FHIT: variants seen among roughly 807,000 people sequenced by gnomAD.
FHIT encodes bis(5'-adenosyl)-triphosphatase.
A neutral mutation model predicts 17.9 loss-of-function variants in FHIT; 19 were observed. That is an observed-to-expected ratio of 1.06 (90% CI 0.74 to 1.56). The LOEUF (loss-of-function observed/expected upper bound fraction) is 1.56, where lower values mean the gene tolerates loss of function less well. Among genes scored for constraint, FHIT ranks in the 40% most tolerant of loss-of-function variants. FHIT has a pLI of 0.00. For synonymous variants in FHIT, 81 were observed against 69.7 expected, an observed-to-expected ratio of 1.16 and a Z score of -0.81; for missense variants, 248 against 189.2, an observed-to-expected ratio of 1.31 and a Z score of -1.82.
intron 4 of FHIT, among the ~76,000 whole-genome samples, chr3:60,588,379 G>T (rs1021612461): frequency 2.0e-5 from 3 of 151,884 alleles, no homozygotes; most frequent in Non-Finnish European, 1.5e-5. Flanking sequence ...TCTAAGTACG[G>T]AATGTGAAAA....
chr3:60,249,460 A>G (rs142462975), intron 5 of FHIT, among the ~76,000 whole-genome samples: 1 of 152,266 alleles, frequency 6.6e-6, no homozygotes, highest in East Asian at 1.9e-4. Context: ...GACAACTGGC[A>G]AAATCCCATC....
chr3:60,867,809 C>T (rs565276005), intron 3 of FHIT, among the ~76,000 whole-genome samples: 3 of 152,268 alleles, frequency 2.0e-5, no homozygotes, highest in Admixed American at 6.5e-5. Flanking sequence ...CTACAATAAG[C>T]AGAGCCCCCT....
At chr3:59,794,668 G>A (rs1028858346) in intron 8 of FHIT, among the ~76,000 whole-genome samples, 7 of 152,216 alleles carry the variant, frequency 4.6e-5, no homozygotes, top group Non-Finnish European at 8.8e-5. Context: ...TATTGTAACA[G>A]CACTTCCTGT....
Position 60,820,985 on chromosome 3 carries a change from G to GATTAT in FHIT, c.-18+933_-18+934insATAAT, listed in dbSNP as rs1575565263. On this transcript the variant is annotated intron_variant, in intron 4 of 9. Coordinates refer to ENST00000492590, the MANE Select transcript of FHIT (RefSeq NM_002012.4). The stretch of plus-strand genomic sequence containing the variant: ...TTCTTGCTATTATTATTATTATTAT[G>GATTAT]GGGTTTTTTTGGCAGGGTCTCACTC... 5.2e-4 allele frequency among the ~76,000 whole-genome samples: 35 copies of GATTAT among 66,770 alleles called. No individual in the cohort carries two copies. In the East Asian group the frequency reaches 0.016, roughly 30 times the overall value. 43.8% of individuals were successfully genotyped at this position (66,770 alleles called of 152,430 possible). A position where few individuals can be genotyped will look rare whatever the true frequency, so the allele number is the denominator to read the frequency against.
intron 2 of FHIT, among the ~76,000 whole-genome samples, chr3:61,196,054 A>G (rs76235232): frequency 6.6e-6 from 1 of 152,152 alleles, no homozygotes; most frequent in Non-Finnish European, 1.5e-5. Context: ...TAATATAACT[A>G]TGTCAGGAGG....
intron 8 of FHIT, among the ~76,000 whole-genome samples, chr3:59,834,027 T>C (rs780212402): frequency 1.3e-5 from 2 of 152,126 alleles, no homozygotes; most frequent in African/African-American, 2.4e-5. Flanking sequence ...ACTATTCCAG[T>C]CTCACATAAT....
At chr3:60,092,192 G>T (rs1219855923) in intron 5 of FHIT, among the ~76,000 whole-genome samples, 4 of 152,194 alleles carry the variant, frequency 2.6e-5, no homozygotes, top group Non-Finnish European at 5.9e-5. Context: ...GAATGAAAAT[G>T]AATGAAAGAA....
chr3:60,156,452 A>C (rs561632747), intron 5 of FHIT, among the ~76,000 whole-genome samples: 18 of 152,102 alleles, frequency 1.2e-4, no homozygotes, highest in African/African-American at 3.6e-4. Flanking sequence ...TAAAAAATTT[A>C]AAACAAAACA....
At chr3:60,244,797 A>C (rs1387842234) in intron 5 of FHIT, among the ~76,000 whole-genome samples, 1 of 152,136 alleles carries the variant, frequency 6.6e-6, no homozygotes, top group Non-Finnish European at 1.5e-5. Flanking sequence ...AAAGCAAAAG[A>C]TCTTACATTT....
intron 5 of FHIT, among the ~76,000 whole-genome samples, chr3:60,252,729 G>A (rs1401144302): frequency 6.6e-6 from 1 of 152,058 alleles, no homozygotes; most frequent in African/African-American, 2.4e-5. Context: ...GGTGGCTCAT[G>A]CCTGTAATCC....
chr3:60,768,808 G>A (rs1553722254), intron 4 of FHIT, among the ~76,000 whole-genome samples: 1 of 152,150 alleles, frequency 6.6e-6, no homozygotes, highest in African/African-American at 2.4e-5. Flanking sequence ...TCTGTATAGA[G>A]GAAAATTGCC....
chr3:60,097,486 G>C (rs940705280), intron 5 of FHIT, among the ~76,000 whole-genome samples: 1 of 152,084 alleles, frequency 6.6e-6, no homozygotes, highest in Admixed American at 6.6e-5. Context: ...AGTTTGAACT[G>C]TGTGAGCCCA....
At chr3:59,941,553 T>C (rs1200292199) in intron 7 of FHIT, among the ~76,000 whole-genome samples, 2 of 152,148 alleles carry the variant, frequency 1.3e-5, no homozygotes, top group African/African-American at 4.8e-5. Flanking sequence ...TACTGTGTAG[T>C]TATATAACCA....
At chr3:59,849,748 A>T (rs1465311154) in intron 8 of FHIT, among the ~76,000 whole-genome samples, 1 of 152,238 alleles carries the variant, frequency 6.6e-6, no homozygotes, top group Non-Finnish European at 1.5e-5. Flanking sequence ...TAAGACTTGT[A>T]ATGTTTTCAG....
chr3:60,256,101 T>C (rs550225554), intron 5 of FHIT, among the ~76,000 whole-genome samples: 19 of 152,202 alleles, frequency 1.2e-4, no homozygotes, highest in African/African-American at 4.1e-4. Context: ...GTAACCTCCA[T>C]TGATCTTACC....
chr3:60,937,279 CT>C (rs1184532315), intron 3 of FHIT, among the ~76,000 whole-genome samples: 1 of 152,158 alleles, frequency 6.6e-6, no homozygotes, highest in Non-Finnish European at 1.5e-5. Flanking sequence ...TGATTTGGGG[CT>C]GTATTTGGTC....
intron 5 of FHIT, among the ~76,000 whole-genome samples, chr3:60,075,347 C>T (rs1298016632): frequency 6.6e-6 from 1 of 152,040 alleles, no homozygotes; most frequent in African/African-American, 2.4e-5. Context: ...CGAATGTAAG[C>T]ACCAGTGGGA....
intron 5 of FHIT, among the ~76,000 whole-genome samples, chr3:60,129,004 C>G (rs1222303861): frequency 4.6e-5 from 7 of 150,616 alleles, no homozygotes; most frequent in Admixed American, 2.6e-4. Context: ...CCTTTCCTTC[C>G]TGGTTACTCT....
chr3:60,019,496 G>A (rs1405504884), intron 5 of FHIT, among the ~76,000 whole-genome samples: 1 of 147,038 alleles, frequency 6.8e-6, no homozygotes, highest in Non-Finnish European at 1.5e-5. Context: ...TCAGCTCAGT[G>A]CAACCTCTGC....
Sources: allele counts gnomAD v4.1 joint callset (sites outside exome capture counted in the v4.1 genomes callset), GRCh38; gene constraint gnomAD v4.1.1; transcripts MANE v1.5; gene names NCBI Gene and HGNC (gene_info 2026-07-23, HGNC 2026-07-21).